FAM153A: variants seen among roughly 807,000 people sequenced by gnomAD.
FAM153A encodes protein FAM153A.
A neutral mutation model predicts 48.1 loss-of-function variants in FAM153A; 12 were observed. That is an observed-to-expected ratio of 0.25 (90% CI 0.16 to 0.40). FAM153A has a LOEUF of 0.40. FAM153A is among the 10% of genes least tolerant of loss of function. The probability of loss-of-function intolerance (pLI) is 1.00; values close to 1 mark genes in which losing one functional copy is unlikely to be tolerated. For missense variants in FAM153A, 111 were observed against 345.8 expected (o/e 0.32, Z 5.38); for synonymous variants, 36 against 118.2 (o/e 0.30, Z 4.51).
chr5:177,754,230 C>T (rs181921281), upstream of FAM153A, among the ~76,000 whole-genome samples: 18,955 of 151,776 alleles, frequency 0.12, 1,461 homozygotes, highest in East Asian at 0.33. Context: ...CATGGAGCCT[C>T]GCTCATTGCT....
At chr5:177,781,243 C>T (rs1377054838), upstream of FAM153A, among the ~76,000 whole-genome samples, 2 of 116,956 alleles carry the variant, frequency 1.7e-5, no homozygotes, top group Non-Finnish European at 3.4e-5. Flanking sequence ...GGACTATGGG[C>T]GCCCACCACC....
chr5:177,719,566 TTTTA>T (rs1393380973), downstream of FAM153A, among the ~76,000 whole-genome samples: 3 of 148,470 alleles, frequency 2.0e-5, no homozygotes, highest in South Asian at 2.1e-4. Flanking sequence ...TGGCACTGGC[TTTTA>T]TTTATTTATT....
chr5:177,755,406 A>G (rs1411045343), upstream of FAM153A, among the ~76,000 whole-genome samples: 2 of 151,882 alleles, frequency 1.3e-5, no homozygotes, highest in Admixed American at 1.3e-4. Context: ...GTTGGAAAAC[A>G]CTCTGCAGGA....
downstream of FAM153A, among the ~76,000 whole-genome samples, chr5:177,718,945 A>T (rs933834302): frequency 2.0e-5 from 3 of 151,360 alleles, no homozygotes; most frequent in African/African-American, 7.3e-5. Flanking sequence ...CAGTGGTGTG[A>T]TCTCAGCTCA....
intron 1 of FAM153A, among the ~76,000 whole-genome samples, chr5:177,778,519 C>T (rs1354845681): frequency 1.1e-5 from 1 of 94,450 alleles, no homozygotes. Flanking sequence ...AAAATCCTAG[C>T]ATTTTGGGAG....
chr5:177,764,966 C>T (rs1193955988), intron 1 of FAM153A, among the ~76,000 whole-genome samples: 1 of 135,140 alleles, frequency 7.4e-6, no homozygotes, highest in Non-Finnish European at 1.6e-5. Flanking sequence ...TTTGCATACC[C>T]GGTCTGGGCC....
At chr5:177,705,375 C>G (rs971735948), downstream of FAM153A, among the ~76,000 whole-genome samples, 3 of 140,834 alleles carry the variant, frequency 2.1e-5, no homozygotes, top group African/African-American at 8.1e-5. Flanking sequence ...TGAGATACCT[C>G]ACTTCTCCTT....
At chr5:177,717,483 T>C (rs773622472), downstream of FAM153A, among the ~76,000 whole-genome samples, 127 of 151,294 alleles carry the variant, frequency 8.4e-4, 1 homozygote, top group Non-Finnish European at 1.4e-3. Flanking sequence ...TCGGCAATGA[T>C]GCTGAAACCA....
downstream of FAM153A, among the ~76,000 whole-genome samples, chr5:177,707,439 A>G (rs570920946): frequency 1.3e-5 from 2 of 151,832 alleles, no homozygotes; most frequent in South Asian, 4.2e-4. Context: ...CATTTCTTGG[A>G]AAAAAAAGGA....
At chr5:177,754,648 A>C (rs1301334456), upstream of FAM153A, among the ~76,000 whole-genome samples, 1 of 151,826 alleles carries the variant, frequency 6.6e-6, no homozygotes, top group Non-Finnish European at 1.5e-5. Context: ...CTTCCAGAGG[A>C]ACAATCAGGC....
chr5:177,698,008 G>A, the FAM153A span, among the ~76,000 whole-genome samples: 3 of 151,000 alleles, frequency 2.0e-5, no homozygotes, highest in African/African-American at 4.9e-5. Context: ...TGACATTTGG[G>A]CAGCTTTTTG....
intron 2 of FAM153A, chr5:177,750,090 C>T (rs1239228272): frequency 6.7e-6 from 1 of 149,604 alleles, no homozygotes; most frequent in Non-Finnish European, 1.5e-5. Context: ...AGCTTCAAAA[C>T]GATACAAAAG....
intron 4 of FAM153A, chr5:177,747,522 C>T: frequency 1.9e-6 from 1 of 516,676 alleles, no homozygotes; most frequent in South Asian, 2.2e-5. Context: ...GTCATTCCTC[C>T]ATACCTCCCA....
chr5:177,746,201 G>T (rs943322478), intron 4 of FAM153A, among the ~76,000 whole-genome samples: 11 of 151,100 alleles, frequency 7.3e-5, no homozygotes, highest in African/African-American at 2.7e-4. Flanking sequence ...GTACAGCTGT[G>T]GTGGACGATG....
At chr5:177,754,407 G>T (rs1037287543), upstream of FAM153A, among the ~76,000 whole-genome samples, 3 of 151,702 alleles carry the variant, frequency 2.0e-5, no homozygotes, top group Non-Finnish European at 4.4e-5. Flanking sequence ...TCCACCTCTG[G>T]GGGCAGGGCA....
intron 1 of FAM153A, among the ~76,000 whole-genome samples, chr5:177,760,163 G>A (rs192787850): frequency 5.6e-4 from 83 of 149,318 alleles, no homozygotes; most frequent in Non-Finnish European, 9.7e-4. Context: ...ATATATGAGA[G>A]AGAGTGAGAA....
At chr5:177,750,981 C>T (rs1482721384) in exon 2 of FAM153A, 2 of 1,255,440 alleles carry the variant, frequency 1.6e-6, no homozygotes, top group Non-Finnish European at 2.2e-6. Context: ...ATTGGCTTCT[C>T]ACGCTCGCGG....
chr5:177,734,757 T>C, intron 13 of FAM153A, 106 bp downstream of exon 15: 3 of 1,601,334 alleles, frequency 1.9e-6, no homozygotes, highest in Non-Finnish European at 2.6e-6. Context: ...AAGGACACTG[T>C]GTAACTAAGA....
chr5:177,703,554 G>T (rs1474935631), downstream of FAM153A, among the ~76,000 whole-genome samples: 77 of 149,490 alleles, frequency 5.2e-4, no homozygotes, highest in African/African-American at 1.9e-3. Context: ...AATGTGGAAA[G>T]GACCTGACAT....
Sources: allele counts gnomAD v4.1 joint callset (sites outside exome capture counted in the v4.1 genomes callset), GRCh38; gene constraint gnomAD v4.1.1; transcripts MANE v1.5; gene names NCBI Gene and HGNC (gene_info 2026-07-23, HGNC 2026-07-21).